DHTKD1: variants seen among roughly 807,000 people sequenced by gnomAD.
DHTKD1 encodes dehydrogenase E1 and transketolase domain containing 1, also known as 2-oxoadipate dehydrogenase complex component E1.
In DHTKD1, 78 loss-of-function variants were observed where a neutral mutation model predicts 101.8. That is an observed-to-expected ratio of 0.77 (90% CI 0.64 to 0.93). DHTKD1 has a LOEUF of 0.93. DHTKD1 is among the 40% of genes least tolerant of loss of function. The pLI is 0.00. For missense variants in DHTKD1, 1,223 were observed against 1,161.7 expected (o/e 1.05, Z -0.77); for synonymous variants, 462 against 450.3 (o/e 1.03, Z -0.33).
intron 16 of DHTKD1, 56 bp downstream of exon 16, chr10:12,120,323 T>C: frequency 6.9e-7 from 1 of 1,442,932 alleles, no homozygotes; most frequent in Non-Finnish European, 9.6e-7. Context: ...GTTGTTTTTC[T>C]TTTCTTTCTT....
At chr10:12,115,346 C>T (rs1381142524) in intron 13 of DHTKD1, among the ~76,000 whole-genome samples, 3 of 152,192 alleles carry the variant, frequency 2.0e-5, no homozygotes, top group African/African-American at 7.2e-5. Context: ...ATTGGGCTGA[C>T]TCGGCCTCCC....
At chr10:12,072,094 A>G (rs561452373) in intron 1 of DHTKD1, among the ~76,000 whole-genome samples, 7 of 152,222 alleles carry the variant, frequency 4.6e-5, no homozygotes, top group Admixed American at 6.6e-5. Flanking sequence ...CTTTCTTCAT[A>G]TGTTTATCTT....
chr10:12,120,278 G>T lies in DHTKD1; in HGVS notation c.2658+11G>T, dbSNP rs373988233. 6.2e-7 allele frequency: 1 copy of T among 1,602,802 alleles called. No individual in the cohort carries two copies. The highest frequency in any genetic ancestry group is 1.3e-5 in the African/African-American group (1 of 74,550). Reference sequence around the variant, plus strand: ...CAGCTGGCCTGCAAGGTAATCACACGTTTTCTCTGGTAGTGTTTTGTGTTT... The same window carrying T: ...CAGCTGGCCTGCAAGGTAATCACACTTTTTCTCTGGTAGTGTTTTGTGTTT... On this transcript the variant is annotated intron_variant, in intron 16 of 16. Coordinates refer to ENST00000263035, the MANE Select transcript of DHTKD1 (RefSeq NM_018706.7).
Position 12,084,744 on chromosome 10 carries a change from A to C in DHTKD1, c.515A>C (p.Glu172Ala). Reference protein sequence around the residue: ...ERKHLSKLMLESQEFDHFLAT... With the variant: ...ERKHLSKLMLASQEFDHFLAT... ...AAACATCTGTCGAAACTAATGCTGG[A>C]ATCTCAGGTAAAAAGGAGCATCTAG... The change falls in exon 3 of 17, where the codon GAA (glutamate) becomes GCA (alanine). Residue 172 changes from glutamate (E) to alanine (A), a missense_variant. Physicochemically the swap from Glu to Ala is moderately radical, Grantham distance 107 (BLOSUM62 -1). Transcript: ENST00000263035. 6.2e-7 allele frequency: 1 copy of C among 1,613,970 alleles called. No homozygotes were observed. Among genetic ancestry groups the C allele is most frequent in the Non-Finnish European group, 8.5e-7 (1 of 1,179,934 alleles).
In DHTKD1 at chr10:12,112,885, C is replaced by G; in HGVS notation, c.2155-15C>G. On this transcript the variant is annotated splice_polypyrimidine_tract_variant and intron_variant, in intron 12 of 16. Transcript: ENST00000263035. ...ATCTGAACATTCTTCTCCTTTCTTGCCACTTCTCTCCCAGATGTGTGACAG... is the reference window on the plus strand; with the variant it reads ...ATCTGAACATTCTTCTCCTTTCTTGGCACTTCTCTCCCAGATGTGTGACAG... 1 of 1,579,484 alleles carries G rather than the reference C, an allele frequency of 6.3e-7. No individual in the cohort carries two copies. The highest frequency in any genetic ancestry group is 8.6e-7 in the Non-Finnish European group (1 of 1,163,028).
At chr10:12,074,664 TG>T (rs1832699961) in intron 1 of DHTKD1, among the ~76,000 whole-genome samples, 1 of 930 alleles carries the variant, frequency 1.1e-3, no homozygotes, top group African/African-American at 3.8e-3. Flanking sequence ...CTTGCTATGT[TG>T]CCCCAGGCTG....
At chr10:12,081,287 A>AAAAAG (rs1832812185) in intron 1 of DHTKD1, among the ~76,000 whole-genome samples, 185 bp from the exon 2 acceptor site, 1 of 150,588 alleles carries the variant, frequency 6.6e-6, no homozygotes, top group African/African-American at 2.4e-5. Context: ...AAAAAAAAAA[A>AAAAAG]AAAAAAAAGT....
intron 14 of DHTKD1, among the ~76,000 whole-genome samples, 155 bp from the exon 15 acceptor site, chr10:12,118,594 G>C (rs569263676): frequency 3.9e-5 from 6 of 151,982 alleles, no homozygotes; most frequent in African/African-American, 9.6e-5. Flanking sequence ...GTGTTAGCCA[G>C]GATGGTCTTG....
At chr10:12,091,971 ATT>A (rs754359053) in intron 6 of DHTKD1, among the ~76,000 whole-genome samples, 68 of 134,576 alleles carry the variant, frequency 5.1e-4, no homozygotes, top group Admixed American at 9.1e-4. Context: ...TGTCTGGCTA[ATT>A]TTTTTTTTTT....
At chr10:12,090,910 A>C (rs901302755) in intron 5 of DHTKD1, among the ~76,000 whole-genome samples, 2 of 152,054 alleles carry the variant, frequency 1.3e-5, no homozygotes, top group Non-Finnish European at 2.9e-5. Context: ...GCTGATCTTA[A>C]GATTGTGGTG....
At chr10:12,070,551 C>T (rs1009130271) in intron 1 of DHTKD1, among the ~76,000 whole-genome samples, 3 of 152,166 alleles carry the variant, frequency 2.0e-5, no homozygotes, top group South Asian at 4.1e-4. Flanking sequence ...TGCAGTGGCA[C>T]GATCTTGGCT....
At position 12,106,239 on chromosome 10, in the gene DHTKD1, G is replaced by C; in HGVS notation, c.1897-7G>C. The C allele has an allele frequency of 6.2e-7, 1 of 1,614,090 alleles. No homozygotes were observed. The highest frequency in any genetic ancestry group is 8.5e-7 in the Non-Finnish European group (1 of 1,179,976). On this transcript the variant is annotated splice_region_variant and splice_polypyrimidine_tract_variant and intron_variant, in intron 10 of 16. Coordinates refer to ENST00000263035, the MANE Select transcript of DHTKD1 (RefSeq NM_018706.7). ...ATGCAGCGTTTCCTTCTCTTCTCTG[G>C]GATTAGGTCAGCAACAGCCCACTGT...
Position 12,100,274 on chromosome 10 carries a change from CTTTTT to C in DHTKD1, c.1756+18_1756+22del. 1 of 351,674 alleles carries C rather than the reference CTTTTT, an allele frequency of 2.8e-6. No individual in the cohort carries two copies. The highest frequency in any genetic ancestry group is 4.3e-6 in the Non-Finnish European group (1 of 232,896). 21.8% of individuals were successfully genotyped at this position (351,674 alleles called of 1,614,324 possible). A position where few individuals can be genotyped will look rare whatever the true frequency, so the allele number is the denominator to read the frequency against. On this transcript the variant is annotated intron_variant, in intron 9 of 16. Transcript: ENST00000263035. ...TTTACTTGCTCAAGGTAAGAATTTTCTTTTTTTTTTCTGTTTTTTTTTTTTTTGAG... is the reference window on the plus strand; with the variant it reads ...TTTACTTGCTCAAGGTAAGAATTTTCTTTTTCTGTTTTTTTTTTTTTTGAG...
intron 8 of DHTKD1, among the ~76,000 whole-genome samples, chr10:12,099,409 G>A (rs1564394486): frequency 2.6e-5 from 4 of 152,062 alleles, no homozygotes; most frequent in Admixed American, 1.3e-4. Flanking sequence ...TATATAGGCC[G>A]GGTGTGGTGG....
In DHTKD1 at chr10:12,102,436, A is replaced by G. The variant is rs549638038; in HGVS notation, c.1896+1255A>G. Among the ~76,000 whole-genome samples the G allele has an allele frequency of 2.0e-5, 3 of 151,820 alleles. No individual in the cohort carries two copies. In the South Asian group the frequency reaches 6.3e-4, roughly 32 times the overall value. ...AGACTCTGTCTCAAAAAAAAAAAAA[A>G]AAAAAGAAAATTCACTTGGCAAAAG... is the stretch of plus-strand genomic sequence containing the variant. On this transcript the variant is annotated intron_variant, in intron 10 of 16. Coordinates refer to ENST00000263035, the MANE Select transcript of DHTKD1 (RefSeq NM_018706.7).
In DHTKD1 at chr10:12,074,220, C is replaced by T. The variant is rs370803374; in HGVS notation, c.154+5033C>T. Reference sequence around the variant, plus strand: ...TTGTTTTCTTTGAGACACTCTGTGTCGCCCAGACTGAGTGCAGTGGCACAA... The same window carrying T: ...TTGTTTTCTTTGAGACACTCTGTGTTGCCCAGACTGAGTGCAGTGGCACAA... On this transcript the variant is annotated intron_variant, in intron 1 of 16. Coordinates refer to ENST00000263035, the MANE Select transcript of DHTKD1 (RefSeq NM_018706.7). 3.3e-5 allele frequency among the ~76,000 whole-genome samples: 5 copies of T among 151,962 alleles called. No homozygotes were observed. In the South Asian group the frequency reaches 6.2e-4, roughly 19 times the overall value.
Position 12,089,184 on chromosome 10 carries a change from C to A in DHTKD1, c.916C>A (p.Gln306Lys). The A allele has an allele frequency of 6.2e-7, 1 of 1,614,186 alleles. No homozygotes were observed. The highest frequency in any genetic ancestry group is 8.5e-7 in the Non-Finnish European group (1 of 1,180,038). Residue 306 changes from glutamine (Q) to lysine (K), a missense_variant, in exon 5 of 17, where the codon CAG becomes AAG. By Grantham distance (53) the Gln-to-Lys change is moderately conservative. Transcript: ENST00000263035. ...CGTGGGCAAAACTCGCGGCAGGCAG[C>A]AGTCTCGCCAAGACGGCGATTACTC... ...VAVGKTRGRQ[Q>K]SRQDGDYSPD...
chr10:12,085,233 C>G (rs1487603323), intron 3 of DHTKD1, among the ~76,000 whole-genome samples: 1 of 152,026 alleles, frequency 6.6e-6, no homozygotes, highest in Non-Finnish European at 1.5e-5. Context: ...TCCTTGGAAC[C>G]TGGGAGGTGG....
intron 8 of DHTKD1, among the ~76,000 whole-genome samples, chr10:12,098,606 C>T: frequency 6.6e-6 from 1 of 152,142 alleles, no homozygotes; most frequent in Non-Finnish European, 1.5e-5. Flanking sequence ...ACTCTGTCAC[C>T]CAGGCTGGTG....
Sources: allele counts gnomAD v4.1 joint callset (sites outside exome capture counted in the v4.1 genomes callset), GRCh38; gene constraint gnomAD v4.1.1; transcripts MANE v1.5; gene names NCBI Gene and HGNC (gene_info 2026-07-23, HGNC 2026-07-21).